DSG4: variants seen among roughly 807,000 people sequenced by gnomAD.
DSG4 encodes the protein desmoglein 4, also known as desmoglein-4.
A neutral mutation model predicts 93.1 loss-of-function variants in DSG4; 87 were observed. The ratio of observed to expected loss-of-function variants is 0.93; its 90% confidence interval spans 0.79 to 1.12. The LOEUF (loss-of-function observed/expected upper bound fraction) is 1.12, where lower values mean the gene tolerates loss of function less well. Ranked by LOEUF, DSG4 falls within the 50% of genes most tolerant of loss-of-function variation. DSG4 has a pLI of 0.00. For missense variants in DSG4, 1,373 were observed against 1,285.7 expected (o/e 1.07, Z -1.04); for synonymous variants, 432 against 452.9 (o/e 0.95, Z 0.59).
chr18:31,405,358 G>A (rs1479738577), intron 11 of DSG4, among the ~76,000 whole-genome samples: 1 of 152,114 alleles, frequency 6.6e-6, no homozygotes, highest in Non-Finnish European at 1.5e-5. Context: ...CAGTCTTAAG[G>A]AGGGTATTGT....
At chr18:31,377,298 A>C (rs1438678546) in intron 1 of DSG4, among the ~76,000 whole-genome samples, 1 of 152,196 alleles carries the variant, frequency 6.6e-6, no homozygotes, top group African/African-American at 2.4e-5. Context: ...TGCTGTGAAA[A>C]CTGCCAGTGC....
At chr18:31,406,992 G>T (rs1483173530) in intron 12 of DSG4, among the ~76,000 whole-genome samples, 1 of 151,984 alleles carries the variant, frequency 6.6e-6, no homozygotes. Flanking sequence ...TAGCCAGGAT[G>T]GTCTTGAACT....
chr18:31,406,005 G>A, intron 11 of DSG4, 72 bp from the exon 12 acceptor site: 1 of 1,568,790 alleles, frequency 6.4e-7, no homozygotes, highest in Non-Finnish European at 8.7e-7. Flanking sequence ...TTTGGTATTA[G>A]GGAGAGTTAA....
At chr18:31,392,997 A>G (rs982986072) in intron 8 of DSG4, among the ~76,000 whole-genome samples, 1 of 152,204 alleles carries the variant, frequency 6.6e-6, no homozygotes, top group Non-Finnish European at 1.5e-5. Context: ...TTTTCTATAG[A>G]TTAATTTTTC....
At chr18:31,388,201 G>A (rs2072208965) in intron 3 of DSG4, among the ~76,000 whole-genome samples, 166 bp from the exon 4 acceptor site, 1 of 151,954 alleles carries the variant, frequency 6.6e-6, no homozygotes, top group Non-Finnish European at 1.5e-5. Flanking sequence ...AAGCTGATCT[G>A]GGCAAAGTTA....
chr18:31,386,548 G>T, intron 2 of DSG4, 140 bp from the exon 3 acceptor site: 1 of 1,257,862 alleles, frequency 8.0e-7, no homozygotes, highest in Non-Finnish European at 1.1e-6. Context: ...ATCCAGAGTT[G>T]TGAATTGGTG....
At position 31,413,309 on chromosome 18, in the gene DSG4, T is replaced by C. The variant is rs1432358138; in HGVS notation, c.2837T>C (p.Ile946Thr). The C allele has an allele frequency of 6.2e-7, 1 of 1,614,186 alleles. No individual in the cohort carries two copies. Among genetic ancestry groups the C allele is most frequent in the Admixed American group, 1.7e-5 (1 of 60,020 alleles). The part of the protein sequence containing the change: ...TEAVMAPVYD[I>T]QGNICVPAEL... ...GCAGTAATGGCACCTGTCTATGATA[T>C]TCAAGGGAATATTTGTGTACCTGCT... Residue 946 changes from isoleucine to threonine, a missense_variant, in exon 16 of 16, where the codon ATT (isoleucine) becomes ACT (threonine). Physicochemically the swap from Ile to Thr is moderately conservative, Grantham distance 89 (BLOSUM62 -1). Coordinates refer to ENST00000308128, the MANE Select transcript of DSG4 (RefSeq NM_177986.5).
At chr18:31,388,344 A>G (rs368838232) in intron 3 of DSG4, 23 bp from the exon 4 acceptor site, 25 of 1,612,104 alleles carry the variant, frequency 1.6e-5, no homozygotes, top group Middle Eastern at 1.7e-4. Context: ...ACTGGATCAC[A>G]ATCCTAGCTA....
chr18:31,391,359 T>C, intron 7 of DSG4, 147 bp downstream of exon 7: 1 of 1,061,252 alleles, frequency 9.4e-7, no homozygotes. Context: ...TTGGAATTTC[T>C]TATGTATACT....
intron 1 of DSG4, among the ~76,000 whole-genome samples, chr18:31,377,766 G>A (rs1230557350): frequency 1.3e-5 from 2 of 152,188 alleles, no homozygotes; most frequent in African/African-American, 4.8e-5. Flanking sequence ...GGGAGGGTAA[G>A]AGGACAGGAT....
rs959261738 is a variant in DSG4 at position 31,406,223 on chromosome 18, T to C, written c.1783T>C (p.Cys595Arg). The stretch of plus-strand genomic sequence containing the variant: ...CTGTGATTGCGATGACAACCACATG[T>C]GCCTGGACTCTGGTGCCGCGGGCAT... ...YACDCDDNHM[C>R]LDSGAAGIYT... is the part of the protein sequence containing the mutation. The change falls in exon 12 of 16, where the codon TGC becomes CGC. Residue 595 changes from cysteine (C) to arginine (R), a missense_variant. Physicochemically the swap from Cys to Arg is radical, Grantham distance 180. Coordinates refer to ENST00000308128, the MANE Select transcript of DSG4 (RefSeq NM_177986.5). 3.1e-6 allele frequency: 5 copies of C among 1,614,140 alleles called. No homozygotes were observed. The highest frequency in any genetic ancestry group is 4.2e-6 in the Non-Finnish European group (5 of 1,180,036).
At chr18:31,401,090 G>T in intron 10 of DSG4, 70 bp downstream of exon 10, 1 of 1,319,412 alleles carries the variant, frequency 7.6e-7, no homozygotes, top group Admixed American at 2.2e-5. Flanking sequence ...TTATTCTAAT[G>T]CTGATATTTG....
chr18:31,396,329 C>G (rs2072304629), intron 8 of DSG4, among the ~76,000 whole-genome samples: 1 of 148,072 alleles, frequency 6.8e-6, no homozygotes, highest in South Asian at 2.1e-4. Flanking sequence ...ATCCTCACAA[C>G]TCTCGGAAGA....
At chr18:31,386,305 T>C (rs1415206805) in intron 2 of DSG4, among the ~76,000 whole-genome samples, 1 of 152,122 alleles carries the variant, frequency 6.6e-6, no homozygotes, top group Non-Finnish European at 1.5e-5. Context: ...ACAATGATAA[T>C]CTTTAAACTC....
chr18:31,398,874 G>A (rs2072333550), intron 8 of DSG4, among the ~76,000 whole-genome samples: 1 of 152,050 alleles, frequency 6.6e-6, no homozygotes, highest in South Asian at 2.1e-4. Flanking sequence ...TCAGATGTGA[G>A]TTCTATAAAG....
At chr18:31,402,648 A>G (rs2072380521) in intron 10 of DSG4, among the ~76,000 whole-genome samples, 1 of 152,168 alleles carries the variant, frequency 6.6e-6, no homozygotes, top group Non-Finnish European at 1.5e-5. Context: ...TACCCCAGAG[A>G]CGACAACGTT....
intron 2 of DSG4, 141 bp from the exon 3 acceptor site, chr18:31,386,547 T>C: frequency 8.1e-7 from 1 of 1,232,262 alleles, no homozygotes; most frequent in Non-Finnish European, 1.2e-6. Context: ...TATCCAGAGT[T>C]GTGAATTGGT....
At chr18:31,409,206 T>A (rs2072458612) in intron 12 of DSG4, among the ~76,000 whole-genome samples, 1 of 152,178 alleles carries the variant, frequency 6.6e-6, no homozygotes, top group Admixed American at 6.5e-5. Flanking sequence ...AGCAAAGAAA[T>A]TCAATTACCT....
At chr18:31,380,533 T>A (rs1432568974) in intron 1 of DSG4, among the ~76,000 whole-genome samples, 1 of 152,210 alleles carries the variant, frequency 6.6e-6, no homozygotes, top group Non-Finnish European at 1.5e-5. Context: ...TGTTTGCCCT[T>A]CTTTTCTACG....
Sources: gnomAD v4.1 joint callset for allele counts (sites outside exome capture counted in the v4.1 genomes callset) on GRCh38, gnomAD v4.1.1 for gene constraint, MANE v1.5 for transcripts, NCBI Gene and HGNC (gene_info 2026-07-23, HGNC 2026-07-21) for gene names.